Variants in VPS13B observed in about 807,000 individuals in gnomAD.
The protein encoded by VPS13B is intermembrane lipid transfer protein VPS13B.
Under a neutral mutation model 426.4 loss-of-function variants are expected in VPS13B, and 285 were observed. The ratio of observed to expected loss-of-function variants is 0.67; its 90% CI spans 0.61 to 0.74. The LOEUF (loss-of-function observed/expected upper bound fraction) is 0.74, where lower values mean the gene tolerates loss of function less well. Among genes scored for constraint, VPS13B ranks in the 30% least tolerant of loss-of-function variants. VPS13B has a pLI of 0.00. For synonymous variants in VPS13B, 1,676 were observed against 1,676.4 expected (o/e 1.00, Z 0.01); for missense variants, 4,537 against 4,782.6 (o/e 0.95, Z 1.51).
intron 33 of VPS13B, among the ~76,000 whole-genome samples, chr8:99,594,782 G>T (rs986301771): frequency 2.6e-5 from 4 of 151,842 alleles, no homozygotes; most frequent in African/African-American, 4.8e-5. Flanking sequence ...AAGCACTGGG[G>T]TTTTTTTCAG....
chr8:99,818,033 G>T (rs535528053), intron 45 of VPS13B, among the ~76,000 whole-genome samples: 1 of 152,256 alleles, frequency 6.6e-6, no homozygotes, highest in South Asian at 2.1e-4. Flanking sequence ...AGACGCAAGT[G>T]ATATCTTGAA....
intron 17 of VPS13B, among the ~76,000 whole-genome samples, chr8:99,254,714 A>G (rs1187985972): frequency 1.3e-5 from 2 of 151,972 alleles, no homozygotes; most frequent in Non-Finnish European, 1.5e-5. Context: ...TGTGATCTCA[A>G]CTCACTGCAA....
intron 3 of VPS13B, among the ~76,000 whole-genome samples, chr8:99,089,190 C>T (rs1404697389): frequency 2.0e-5 from 3 of 152,098 alleles, no homozygotes; most frequent in African/African-American, 4.8e-5. Flanking sequence ...TGAGGATATT[C>T]TTGCATTCAT....
intron 35 of VPS13B, chr8:99,696,873 TCAA>T (rs1392428075): frequency 2.4e-6 from 2 of 825,586 alleles, no homozygotes; most frequent in African/African-American, 3.3e-5. Flanking sequence ...TCCATCGGCA[TCAA>T]CAACTTCTGC....
At chr8:99,062,449 C>T in intron 3 of VPS13B, among the ~76,000 whole-genome samples, 1 of 152,060 alleles carries the variant, frequency 6.6e-6, no homozygotes, top group Non-Finnish European at 1.5e-5. Flanking sequence ...AGAGCATGGG[C>T]CCTGAAAAAT....
chr8:99,448,631 T>C (rs1431898067), intron 23 of VPS13B, among the ~76,000 whole-genome samples: 1 of 152,172 alleles, frequency 6.6e-6, no homozygotes. Flanking sequence ...TTCAGTGTCA[T>C]GCCTGTATTC....
chr8:99,536,741 G>GTATT, intron 30 of VPS13B: 1 of 533,464 alleles, frequency 1.9e-6, no homozygotes, highest in South Asian at 1.4e-5. Context: ...GGCATTAAAC[G>GTATT]TATTCCCAGT....
chr8:99,357,237 A>G (rs3110405), intron 19 of VPS13B, among the ~76,000 whole-genome samples: 122,469 of 152,088 alleles, frequency 0.81, 49,796 homozygotes, highest in South Asian at 0.89. Flanking sequence ...GATTCAGTTC[A>G]TCTCCTTTTT....
intron 55 of VPS13B, 106 bp from the exon 56 acceptor site, chr8:99,853,345 A>T (rs1326403544): frequency 6.2e-6 from 7 of 1,134,430 alleles, no homozygotes; most frequent in Non-Finnish European, 9.0e-6. Flanking sequence ...TGAGAATCTG[A>T]TGTCCCATCA....
At chr8:99,617,641 GTTGT>G (rs996388347) in intron 33 of VPS13B, among the ~76,000 whole-genome samples, 6 of 152,018 alleles carry the variant, frequency 3.9e-5, no homozygotes, top group Admixed American at 6.6e-5. Flanking sequence ...TTGTTTTTCT[GTTGT>G]TTGTTTGTTT....
At chr8:99,691,150 T>C (rs1305035829) in intron 35 of VPS13B, among the ~76,000 whole-genome samples, 1 of 152,102 alleles carries the variant, frequency 6.6e-6, no homozygotes, top group Non-Finnish European at 1.5e-5. Flanking sequence ...TGAAATGTCC[T>C]GAATAGGCAA....
At chr8:99,183,240 A>G (rs1349379463) in intron 16 of VPS13B, among the ~76,000 whole-genome samples, 1 of 152,200 alleles carries the variant, frequency 6.6e-6, no homozygotes, top group African/African-American at 2.4e-5. Context: ...TTGAATTTAG[A>G]CACTAGGTTG....
intron 17 of VPS13B, among the ~76,000 whole-genome samples, chr8:99,201,464 C>T (rs2132758358): frequency 6.6e-6 from 1 of 152,230 alleles, no homozygotes; most frequent in Non-Finnish European, 1.5e-5. Flanking sequence ...ATCAAAACTG[C>T]AAAGTGCTTT....
intron 36 of VPS13B, among the ~76,000 whole-genome samples, chr8:99,711,816 A>G (rs968175247): frequency 2.6e-5 from 4 of 152,250 alleles, no homozygotes; most frequent in Admixed American, 2.0e-4. Context: ...TATTTACTTT[A>G]TCTTCATATA....
At chr8:99,724,009 C>T (rs1833233876) in intron 39 of VPS13B, among the ~76,000 whole-genome samples, 1 of 152,188 alleles carries the variant, frequency 6.6e-6, no homozygotes, top group South Asian at 2.1e-4. Context: ...TCATACTCTC[C>T]CAGATAGGAG....
intron 21 of VPS13B, among the ~76,000 whole-genome samples, chr8:99,427,189 G>A (rs1478943529): frequency 1.5e-5 from 1 of 68,254 alleles, no homozygotes; most frequent in African/African-American, 6.2e-5. Context: ...CCCATTGCTT[G>A]TTTTTCTCAG....
At chr8:99,507,935 C>A in intron 28 of VPS13B, 3 of 1,613,866 alleles carry the variant, frequency 1.9e-6, no homozygotes, top group Non-Finnish European at 2.5e-6. Context: ...TTAAATTATG[C>A]TACACAACTC....
At chr8:99,582,571 G>T (rs1230916317) in intron 33 of VPS13B, among the ~76,000 whole-genome samples, 1 of 151,908 alleles carries the variant, frequency 6.6e-6, no homozygotes, top group African/African-American at 2.4e-5. Context: ...TATAAATATT[G>T]TTCATTGCTT....
At chr8:99,668,226 T>C (rs1830564083) in intron 35 of VPS13B, among the ~76,000 whole-genome samples, 1 of 151,972 alleles carries the variant, frequency 6.6e-6, no homozygotes, top group South Asian at 2.1e-4. Context: ...CATGGTGATA[T>C]GTGCCTGTAG....
Sources: gnomAD v4.1 joint callset for allele counts (sites outside exome capture counted in the v4.1 genomes callset) on GRCh38, gnomAD v4.1.1 for gene constraint, MANE v1.5 for transcripts, NCBI Gene and HGNC (gene_info 2026-07-23, HGNC 2026-07-21) for gene names.